Variants in LHFPL7 observed in about 807,000 individuals in gnomAD.
LHFPL7 encodes LHFPL tetraspan subfamily member 7 protein.
At chr22:24,944,203 C>T in the LHFPL7 span, among the ~76,000 whole-genome samples, 612 of 152,176 alleles carry the variant, frequency 4.0e-3, 3 homozygotes, top group African/African-American at 0.014. Flanking sequence ...ATAGAAAAAG[C>T]CCCTCCTTAT....
chr22:24,946,365 G>A, the LHFPL7 span, among the ~76,000 whole-genome samples: 11 of 151,966 alleles, frequency 7.2e-5, no homozygotes, highest in Admixed American at 3.9e-4. Context: ...ATGTTTCCAC[G>A]TGCACTCTCA....
At chr22:24,940,469 G>A in the LHFPL7 span, among the ~76,000 whole-genome samples, 4 of 150,918 alleles carry the variant, frequency 2.7e-5, no homozygotes, top group Non-Finnish European at 5.9e-5. Context: ...GGGAGCGGGC[G>A]CCTGTAGTCC....
chr22:24,939,269 C>A, the LHFPL7 span: 11 of 698,396 alleles, frequency 1.6e-5, no homozygotes, highest in South Asian at 1.6e-4. Flanking sequence ...GCTCAGCCAG[C>A]TTTCCTGCCT....
chr22:24,940,090 G>A, the LHFPL7 span, among the ~76,000 whole-genome samples: 2 of 150,690 alleles, frequency 1.3e-5, no homozygotes, highest in African/African-American at 4.9e-5. Context: ...ACCGCGCCCG[G>A]CTAATTTTTT....
chr22:24,939,126 C>G, the LHFPL7 span, among the ~76,000 whole-genome samples: 183 of 152,076 alleles, frequency 1.2e-3, 1 homozygote, highest in African/African-American at 4.1e-3. Context: ...AACTTGGCAT[C>G]TTTGCAAAGT....
At chr22:24,945,108 G>A in the LHFPL7 span, among the ~76,000 whole-genome samples, 39 of 151,904 alleles carry the variant, frequency 2.6e-4, no homozygotes, top group Non-Finnish European at 4.4e-4. Context: ...GCGCCTGGCC[G>A]CCTAGGCTGG....
At chr22:24,938,127 T>C in the LHFPL7 span, 105,980 of 1,612,094 alleles carry the variant, frequency 0.066, 4,317 homozygotes, top group Non-Finnish European at 0.072. Context: ...GCACTGACTA[T>C]GTGCCTGTGC....
At chr22:24,945,127 T>G in the LHFPL7 span, among the ~76,000 whole-genome samples, 1 of 152,126 alleles carries the variant, frequency 6.6e-6, no homozygotes, top group African/African-American at 2.4e-5. Flanking sequence ...GGTCTTGAAC[T>G]CCTGGCTTCA....
the LHFPL7 span, among the ~76,000 whole-genome samples, chr22:24,946,360 T>C: frequency 2.0e-4 from 31 of 152,138 alleles, no homozygotes; most frequent in East Asian, 5.6e-3. Flanking sequence ...TATGGATGTT[T>C]CCACGTGCAC....
the LHFPL7 span, among the ~76,000 whole-genome samples, chr22:24,940,437 C>CA: frequency 0.031 from 4,537 of 148,040 alleles, 86 homozygotes; most frequent in Non-Finnish European, 0.047. Context: ...ACTAAAAATA[C>CA]AAAAAAAAAT....
chr22:24,941,376 C>G, the LHFPL7 span, among the ~76,000 whole-genome samples: 6 of 151,938 alleles, frequency 3.9e-5, no homozygotes, highest in Non-Finnish European at 8.8e-5. Context: ...ACCATGTTGG[C>G]CAGGCTAGCA....
the LHFPL7 span, among the ~76,000 whole-genome samples, chr22:24,941,604 T>G: frequency 5.3e-3 from 16 of 3,008 alleles, no homozygotes; most frequent in East Asian, 0.25. Flanking sequence ...GTATATTTGT[T>G]TTTTTTTTTT....
the LHFPL7 span, among the ~76,000 whole-genome samples, chr22:24,936,870 C>T: frequency 1.3e-5 from 2 of 152,150 alleles, no homozygotes. Context: ...TTGCTCATCC[C>T]CACCATGTGA....
At chr22:24,935,635 G>C in the LHFPL7 span, 1 of 1,581,412 alleles carries the variant, frequency 6.3e-7, no homozygotes. Flanking sequence ...GTTGGCCAAG[G>C]GGTACCTCAC....
At chr22:24,938,480 T>A in the LHFPL7 span, among the ~76,000 whole-genome samples, 3 of 152,340 alleles carry the variant, frequency 2.0e-5, no homozygotes, top group East Asian at 5.8e-4. Context: ...TATTATGATC[T>A]CCATTTTACA....
At chr22:24,935,473 T>G in the LHFPL7 span, 4 of 1,613,968 alleles carry the variant, frequency 2.5e-6, no homozygotes. Flanking sequence ...ATAGCAGTCA[T>G]GTAACCCCAA....
the LHFPL7 span, chr22:24,935,450 G>A: frequency 1.2e-6 from 2 of 1,613,940 alleles, no homozygotes; most frequent in Non-Finnish European, 1.7e-6. Flanking sequence ...GGCTGGCCAG[G>A]ACTGCATTGA....
the LHFPL7 span, among the ~76,000 whole-genome samples, chr22:24,945,454 G>A: frequency 2.0e-5 from 3 of 152,172 alleles, no homozygotes; most frequent in Admixed American, 6.5e-5. Flanking sequence ...TGATTTTGAA[G>A]GGCAAAGGTC....
chr22:24,945,156 G>A, the LHFPL7 span, among the ~76,000 whole-genome samples: 1 of 152,136 alleles, frequency 6.6e-6, no homozygotes, highest in South Asian at 2.1e-4. Context: ...TCCTGCTTTA[G>A]TCTCCCAAAG....
Sources: allele counts gnomAD v4.1 joint callset (sites outside exome capture counted in the v4.1 genomes callset), GRCh38; gene constraint gnomAD v4.1.1; transcripts MANE v1.5; gene names NCBI Gene and HGNC (gene_info 2026-07-23, HGNC 2026-07-21).